Variants in GPT observed in about 807,000 individuals in gnomAD.
GPT encodes the protein alanine aminotransferase 1.
Under a neutral mutation model 51.4 loss-of-function variants are expected in GPT, and 60 were observed. The observed-to-expected ratio is 1.17, with a 90% confidence interval of 0.95 to 1.45. The LOEUF (loss-of-function observed/expected upper bound fraction) is 1.45, where lower values mean the gene tolerates loss of function less well. GPT is among the 40% of genes most tolerant of loss of function. GPT has a pLI of 0.00. For synonymous variants in GPT, 397 were observed against 303.1 expected (o/e 1.31, Z -3.22); for missense variants, 853 against 704.0 (o/e 1.21, Z -2.40).
chr8:144,505,146 G>A lies in GPT; in HGVS notation c.495+15G>A, dbSNP rs1273827440. 16 of 1,612,798 alleles carry A rather than the reference G, an allele frequency of 9.9e-6. No homozygotes were observed. Among genetic ancestry groups the A allele is most frequent in the East Asian group, 4.5e-5 (2 of 44,900 alleles). ...ATGCCATCGTGGTAGGCTGGGCATGGGCACCAAGACATTCCTGACACTGCA... is the reference window on the plus strand; with the variant it reads ...ATGCCATCGTGGTAGGCTGGGCATGAGCACCAAGACATTCCTGACACTGCA... On this transcript the variant is annotated intron_variant, in intron 4 of 10. Transcript: ENST00000394955.
At position 144,504,283 on chromosome 8, in the gene GPT, C is replaced by G. The variant is rs1368620585; in HGVS notation, c.-22C>G. 3 of 1,604,528 alleles carry G rather than the reference C, an allele frequency of 1.9e-6. No individual in the cohort carries two copies. The East Asian group carries it at 6.7e-5, about 36-fold the overall frequency. ...GTCCTGCCACCTCCTGAGCTGCCTTCCCGCCTGGTCTGGGTAGAGTCATGG... is the reference window on the plus strand; with the variant it reads ...GTCCTGCCACCTCCTGAGCTGCCTTGCCGCCTGGTCTGGGTAGAGTCATGG... On this transcript the variant is annotated 5_prime_UTR_variant, in exon 1 of 11. Transcript: ENST00000394955.
Sources: allele counts gnomAD v4.1 joint callset, GRCh38; gene constraint gnomAD v4.1.1; transcripts MANE v1.5; gene names NCBI Gene and HGNC (gene_info 2026-07-23, HGNC 2026-07-21).